The following PHACTR2 variants were observed in gnomAD, a reference collection of about 807,000 sequenced individuals.
The protein encoded by PHACTR2 is phosphatase and actin regulator 2, also known as chromosome 6 open reading frame 56.
In PHACTR2, 30 loss-of-function variants were observed where a neutral mutation model predicts 76.0. The ratio of observed to expected loss-of-function variants is 0.39; its 90% CI spans 0.30 to 0.54. The LOEUF is 0.54. Among genes scored for constraint, PHACTR2 ranks in the 20% least tolerant of loss-of-function variants. The probability of loss-of-function intolerance (pLI) is 0.61; values close to 1 mark genes in which losing one functional copy is unlikely to be tolerated. For synonymous variants in PHACTR2, 292 were observed against 292.5 expected (o/e 1.00, Z 0.02); for missense variants, 696 against 781.1 (o/e 0.89, Z 1.30).
At chr6:143,786,842 A>G (rs999417791) in intron 10 of PHACTR2, among the ~76,000 whole-genome samples, 6 of 152,200 alleles carry the variant, frequency 3.9e-5, no homozygotes, top group African/African-American at 1.4e-4. Flanking sequence ...GGTCCCTCCC[A>G]CAACATGTGG....
In PHACTR2 at chr6:143,662,697, A is replaced by T. The variant is rs997262182; in HGVS notation, c.14-49319A>T. Among the ~76,000 whole-genome samples the T allele has an allele frequency of 2.6e-5, 4 of 152,156 alleles. No individual in the cohort carries two copies. Among genetic ancestry groups the T allele is most frequent in the Non-Finnish European group, 5.9e-5 (4 of 68,008 alleles). Reference sequence around the variant, plus strand: ...CAGGCAGTTTTGTTTTTCATCTTGAATTGTGAATTGTCTTCACCTATATTA... The same window carrying T: ...CAGGCAGTTTTGTTTTTCATCTTGATTTGTGAATTGTCTTCACCTATATTA... On this transcript the variant is annotated intron_variant, in intron 1 of 11. Coordinates refer to the PHACTR2 transcript ENST00000305766. The surrounding 1 kb of genome is among the most constrained non-coding windows in gnomAD (Gnocchi z 4.7).
Position 143,742,572 on chromosome 6 carries a change from C to T in PHACTR2, c.215-6413C>T, listed in dbSNP as rs1188332515. Among the ~76,000 whole-genome samples, 3 of 152,286 alleles carry T rather than the reference C, an allele frequency of 2.0e-5. No homozygotes were observed. Among genetic ancestry groups the T allele is most frequent in the East Asian group, 3.9e-4 (2 of 5,174 alleles). ...AGAAACTGGGCTCTGATTGGATAAG[C>T]CCAGGAGCCCAAGAGCCTTGTGCCC... On this transcript the variant is annotated intron_variant, in intron 2 of 12. Coordinates refer to ENST00000440869, the MANE Select transcript of PHACTR2 (RefSeq NM_001100164.2). The surrounding 1 kb of genome is among the most constrained non-coding windows in gnomAD (Gnocchi z 4.5).
rs1159191917 is a variant in PHACTR2 at position 143,731,318 on chromosome 6, G to A, written c.215-17667G>A. Among the ~76,000 whole-genome samples, 2 of 151,222 alleles carry A rather than the reference G, an allele frequency of 1.3e-5. No homozygotes were observed. The highest frequency in any genetic ancestry group is 2.4e-5 in the African/African-American group (1 of 41,130). ...GTTTTGTTTTTTGAGACGGAGTTTC[G>A]CTCTTGTTGCCCAGGCTGGAGTGCA... is the stretch of plus-strand genomic sequence containing the variant. On this transcript the variant is annotated intron_variant, in intron 2 of 12. Coordinates refer to ENST00000440869, the MANE Select transcript of PHACTR2 (RefSeq NM_001100164.2). This position sits in a 1 kb window ranked among gnomAD's most constrained non-coding sequence, Gnocchi z 4.9.
At position 143,696,762 on chromosome 6, in the gene PHACTR2, A is replaced by G. The variant is rs1433639216; in HGVS notation, c.47-15254A>G. 6.6e-6 allele frequency among the ~76,000 whole-genome samples: 1 copy of G among 152,188 alleles called. No homozygotes were observed. The highest frequency in any genetic ancestry group is 1.9e-4 in the East Asian group (1 of 5,194). Reference sequence around the variant, plus strand: ...CATAGCTAAAGAGTTAAACAAAACAAACCATTTTCTTCTCTGGAAGCTTTA... The same window carrying G: ...CATAGCTAAAGAGTTAAACAAAACAGACCATTTTCTTCTCTGGAAGCTTTA... On this transcript the variant is annotated intron_variant, in intron 1 of 12. Transcript: ENST00000440869. This position sits in a 1 kb window ranked among gnomAD's most constrained non-coding sequence, Gnocchi z 4.1.
chr6:143,736,554 A>ATTTT (rs776969170), intron 2 of PHACTR2, among the ~76,000 whole-genome samples: 4 of 56,990 alleles, frequency 7.0e-5, no homozygotes, highest in Admixed American at 2.8e-4. Flanking sequence ...ACCCTTTACA[A>ATTTT]TTTTTTTTTT....
chr6:143,747,937 T>C (rs1259241885), intron 2 of PHACTR2, among the ~76,000 whole-genome samples: 2 of 152,168 alleles, frequency 1.3e-5, no homozygotes, highest in East Asian at 1.9e-4. Context: ...GGGAACACAA[T>C]TGAGATCCTG....
chr6:143,682,892 T>C (rs778891848), intron 1 of PHACTR2, among the ~76,000 whole-genome samples: 6 of 152,218 alleles, frequency 3.9e-5, no homozygotes, highest in Non-Finnish European at 8.8e-5. Context: ...GTTTTTATCA[T>C]GAAAGATTGT....
Position 143,684,413 on chromosome 6 carries a change from A to T in PHACTR2, c.46+6204A>T, listed in dbSNP as rs1777467589. On this transcript the variant is annotated intron_variant, in intron 1 of 12. Transcript: ENST00000440869. The surrounding 1 kb of genome is among the most constrained non-coding windows in gnomAD (Gnocchi z 4.3). ...AGGTCTTGTTCTTTTTTCTTCCCAA[A>T]TATATCTCAAGTCCATGCTCTTCTG... Among the ~76,000 whole-genome samples the T allele has an allele frequency of 6.6e-6, 1 of 152,068 alleles. No individual in the cohort carries two copies. The highest frequency in any genetic ancestry group is 2.1e-4 in the South Asian group (1 of 4,828).
At position 143,827,895 on chromosome 6, in the gene PHACTR2, C is replaced by A. The variant is rs1003697025; in HGVS notation, c.*4206C>A. 8 of 151,986 alleles carry A rather than the reference C, an allele frequency of 5.3e-5. No individual in the cohort carries two copies. The highest frequency in any genetic ancestry group is 1.7e-4 in the African/African-American group (7 of 41,342). 9.4% of individuals were successfully genotyped at this position (151,986 alleles called of 1,614,324 possible). On this transcript the variant is annotated 3_prime_UTR_variant, in exon 13 of 13. Transcript: ENST00000440869. ...CGGTGGCTTACACCTGTAATACCAG[C>A]ACTTTGGGAGGCCAAGGTGGGTGGA...
In PHACTR2 at chr6:143,627,172, T is replaced by C. The variant is rs991496944; in HGVS notation, c.13+18850T>C. Among the ~76,000 whole-genome samples the C allele has an allele frequency of 3.3e-5, 5 of 152,170 alleles. No homozygotes were observed. Among genetic ancestry groups the C allele is most frequent in the African/African-American group, 4.8e-5 (2 of 41,438 alleles). On this transcript the variant is annotated intron_variant, in intron 1 of 11. Transcript: ENST00000305766. This position sits in a 1 kb window ranked among gnomAD's most constrained non-coding sequence, Gnocchi z 4.3. ...AGGAGGGAAGTGCCACTTGGTGATG[T>C]AGGGGAGGCTCCAAGGGTGATGATA...
At position 143,536,953 on chromosome 6, in the gene PHACTR2, G is replaced by C. The variant is rs907073384; in HGVS notation, c.-38G>C. The C allele has an allele frequency of 6.5e-6, 1 of 153,538 alleles. No homozygotes were observed. The highest frequency in any genetic ancestry group is 2.4e-5 in the African/African-American group (1 of 41,142). The allele number at this position is 153,538 out of a possible 1,614,324, so 9.5% of individuals were successfully genotyped here. A position where few individuals can be genotyped will look rare whatever the true frequency, so the allele number is the denominator to read the frequency against. On this transcript the variant is annotated 5_prime_UTR_variant, in exon 1 of 12. Coordinates refer to the PHACTR2 transcript ENST00000367584. This position sits in a 1 kb window ranked among gnomAD's most constrained non-coding sequence, Gnocchi z 5.4. Reference sequence around the variant, plus strand: ...AGCGGGCAGCGCAGCCCTCGGCGCCGGCCCCACCCGGTGCTCCGGCCCCGC... The same window carrying C: ...AGCGGGCAGCGCAGCCCTCGGCGCCCGCCCCACCCGGTGCTCCGGCCCCGC...
At chr6:143,768,770 G>A (rs1000856465) in intron 6 of PHACTR2, among the ~76,000 whole-genome samples, 15 of 152,112 alleles carry the variant, frequency 9.9e-5, no homozygotes, top group Non-Finnish European at 7.4e-5. Context: ...TAGCCATTGA[G>A]GCTATTTATA....
chr6:143,630,929 A>G (rs1424314081), intron 1 of PHACTR2, among the ~76,000 whole-genome samples: 2 of 152,212 alleles, frequency 1.3e-5, no homozygotes, highest in African/African-American at 4.8e-5. Context: ...TGCTTCATGC[A>G]AGTCATGTAT....
chr6:143,717,647 C>T (rs914198620), intron 2 of PHACTR2, among the ~76,000 whole-genome samples: 2 of 151,844 alleles, frequency 1.3e-5, no homozygotes, highest in African/African-American at 4.8e-5. Context: ...TCACAACTCA[C>T]TGCATCCTCA....
At position 143,765,754 on chromosome 6, in the gene PHACTR2, C is replaced by A; in HGVS notation, c.1188C>A (p.Leu396=). Residue 396 remains leucine (L), a synonymous_variant, in exon 6 of 13, where the codon CTC becomes CTA. Transcript: ENST00000440869. The surrounding 1 kb of genome is among the most constrained non-coding windows in gnomAD (Gnocchi z 4.1). ...AAGAGCCGACGAACAGAACCACTCTCTACTCAGGCACTGGCTTAAGTGTTA... is the reference window on the plus strand; with the variant it reads ...AAGAGCCGACGAACAGAACCACTCTATACTCAGGCACTGGCTTAAGTGTTA... ...WAEEPTNRTT[L]YSGTGLSVNR... The A allele has an allele frequency of 2.5e-6, 4 of 1,614,182 alleles. No homozygotes were observed. Among genetic ancestry groups the A allele is most frequent in the Non-Finnish European group, 3.4e-6 (4 of 1,179,998 alleles).
Position 143,564,196 on chromosome 6 carries a change from CATATATATATATAT to C in PHACTR2, c.217+27016_217+27029del, listed in dbSNP as rs59017997. On this transcript the variant is annotated intron_variant, in intron 1 of 11. Coordinates refer to the PHACTR2 transcript ENST00000367584. ...ATGTGTGTGTGTATGTGTGTGTGTGCATATATATATATATATATATATATATATATATATATATA... is the reference window on the plus strand; with the variant it reads ...ATGTGTGTGTGTATGTGTGTGTGTGCATATATATATATATATATATATATA... 3.7e-3 allele frequency among the ~76,000 whole-genome samples: 149 copies of C among 40,300 alleles called. 1 individual carries two copies. The highest frequency in any genetic ancestry group is 6.1e-3 in the African/African-American group (66 of 10,770). The allele number at this position is 40,300 out of a possible 152,430, so 26.4% of individuals were successfully genotyped here. A position where few individuals can be genotyped will look rare whatever the true frequency, so the allele number is the denominator to read the frequency against.
chr6:143,538,115 A>C (rs931435050), intron 1 of PHACTR2, among the ~76,000 whole-genome samples: 2 of 138,676 alleles, frequency 1.4e-5, no homozygotes, highest in South Asian at 2.6e-4. Context: ...CACACACACA[A>C]ACACACAAAA....
In PHACTR2 at chr6:143,827,153, AAAATATATAT is replaced by A. The variant is rs1478338856; in HGVS notation, c.*3466_*3475del. On this transcript the variant is annotated 3_prime_UTR_variant, in exon 13 of 13. Transcript: ENST00000440869. ...CAGGGCTGCGTTGGCATTAAAAAAG[AAAATATATAT>A]ATATATATATATATATATATATATA... 2 of 54,114 alleles carry A rather than the reference AAAATATATAT, an allele frequency of 3.7e-5. No individual in the cohort carries two copies. Among genetic ancestry groups the A allele is most frequent in the Admixed American group, 2.1e-4 (1 of 4,750 alleles). 3.4% of individuals were successfully genotyped at this position (54,114 alleles called of 1,614,324 possible). A position where few individuals can be genotyped will look rare whatever the true frequency, so the allele number is the denominator to read the frequency against.
rs928887002 is a variant in PHACTR2, at chr6:143,618,175, T to C, written c.13+9853T>C. Among the ~76,000 whole-genome samples the C allele has an allele frequency of 5.3e-5, 8 of 152,136 alleles. No homozygotes were observed. Among genetic ancestry groups the C allele is most frequent in the African/African-American group, 1.9e-4 (8 of 41,424 alleles). ...TTAGACATCGATGCTATATTTGCTGTATCCATGTGACTTACCACAGGCGCC... is the reference window on the plus strand; with the variant it reads ...TTAGACATCGATGCTATATTTGCTGCATCCATGTGACTTACCACAGGCGCC... On this transcript the variant is annotated intron_variant, in intron 1 of 11. Coordinates refer to the PHACTR2 transcript ENST00000305766. The surrounding 1 kb of genome is among the most constrained non-coding windows in gnomAD (Gnocchi z 5.2).
Sources: gnomAD v4.1 joint callset for allele counts (sites outside exome capture counted in the v4.1 genomes callset) on GRCh38, gnomAD v4.1.1 for gene constraint, Gnocchi (gnomAD v3.1) non-coding constraint, MANE v1.5 for transcripts, NCBI Gene and HGNC (gene_info 2026-07-23, HGNC 2026-07-21) for gene names.